Variants in OPRL1 observed in about 807,000 individuals in gnomAD.
OPRL1 encodes the protein opioid related nociceptin receptor 1.
A neutral mutation model predicts 15.5 loss-of-function variants in OPRL1; 5 were observed. The ratio of observed to expected loss-of-function variants is 0.32; its 90% CI spans 0.17 to 0.68. The LOEUF is 0.68. OPRL1 is among the 30% of genes least tolerant of loss of function. The pLI, the probability that OPRL1 is intolerant of heterozygous loss-of-function variation, is 0.72. For synonymous variants in OPRL1, 223 were observed against 230.2 expected (o/e 0.97, Z 0.28); for missense variants, 406 against 515.3 (o/e 0.79, Z 2.05).
rs1267168264 is a variant in OPRL1 at position 64,083,462 on chromosome 20, G to A, written c.-185+3110G>A. On this transcript the variant is annotated intron_variant, in intron 1 of 4. Transcript: ENST00000336866. This position sits in a 1 kb window ranked among gnomAD's most constrained non-coding sequence, Gnocchi z 4.9. ...ACCGCGGGAAGATGGTGCCATCCAC[G>A]TTCTCCTCCAGGATGGTCTCCACGC... 3 of 1,608,506 alleles carry A rather than the reference G, an allele frequency of 1.9e-6. No individual in the cohort carries two copies. Among genetic ancestry groups the A allele is most frequent in the African/African-American group, 2.7e-5 (2 of 74,868 alleles).
chr20:64,092,753 G>A lies in OPRL1; in HGVS notation c.33G>A (p.Glu11=), dbSNP rs573091811. Residue 11 remains glutamate (E), a synonymous_variant, in exon 3 of 5, where the codon GAG becomes GAA. Coordinates refer to ENST00000336866, the MANE Select transcript of OPRL1 (RefSeq NM_182647.4). The stretch of plus-strand genomic sequence containing the variant: ...CCCTCTTCCCCGCGCCGTTCTGGGA[G>A]GTTATCTACGGCAGCCACCTTCAGG... MEPLFPAPFW[E]VIYGSHLQGN... is the part of the protein sequence containing the mutation. 1.6e-5 allele frequency: 25 copies of A among 1,612,702 alleles called. No individual in the cohort carries two copies. Among genetic ancestry groups the A allele is most frequent in the Non-Finnish European group, 2.0e-5 (24 of 1,179,942 alleles).
Position 64,083,431 on chromosome 20 carries a change from G to T in OPRL1, c.-185+3079G>T. ...TGGGGCGCGTCGCACACTCTCAGTC[G>T]CCGTCACCGCGGGAAGATGGTGCCA... On this transcript the variant is annotated intron_variant, in intron 1 of 4. Transcript: ENST00000336866. This position sits in a 1 kb window ranked among gnomAD's most constrained non-coding sequence, Gnocchi z 4.9. 6.2e-7 allele frequency: 1 copy of T among 1,611,156 alleles called. No individual in the cohort carries two copies.
Position 64,092,880 on chromosome 20 carries a change from ATCGTGGGGCTCTACCTGGCCGTGTGTG to A in OPRL1, c.164_190del (p.Val55_Val63del), listed in dbSNP as rs1166957776. On this transcript the variant is annotated inframe_deletion, in exon 3 of 5. Coordinates refer to ENST00000336866, the MANE Select transcript of OPRL1 (RefSeq NM_182647.4). ...CCTGCCCCTCGGGCTCAAGGTCACC[ATCGTGGGGCTCTACCTGGCCGTGTGTG>A]TCGGAGGGCTCCTGGGGAACTGCCT... The A allele has an allele frequency of 6.2e-7, 1 of 1,612,558 alleles. No homozygotes were observed. The highest frequency in any genetic ancestry group is 8.5e-7 in the Non-Finnish European group (1 of 1,179,904).
In OPRL1 at chr20:64,098,875, A is replaced by C; in HGVS notation, c.*76A>C. On this transcript the variant is annotated 3_prime_UTR_variant, in exon 5 of 5. Transcript: ENST00000336866. Reference sequence around the variant, plus strand: ...GCCCAACACAGAGCTCACACAGGTCACTGCTCTCTAGGCGGACACACCCTG... The same window carrying C: ...GCCCAACACAGAGCTCACACAGGTCCCTGCTCTCTAGGCGGACACACCCTG... 1.3e-6 allele frequency: 2 copies of C among 1,494,382 alleles called. No homozygotes were observed. The highest frequency in any genetic ancestry group is 1.3e-5 in the South Asian group (1 of 76,306). The allele number at this position is 1,494,382 out of a possible 1,614,324, so 92.6% of individuals were successfully genotyped here. A position where few individuals can be genotyped will look rare whatever the true frequency, so the allele number is the denominator to read the frequency against.
rs113199372 is a variant in OPRL1 at position 64,098,794 on chromosome 20, G to A, written c.1108G>A (p.Ala370Thr). Residue 370 changes from alanine to threonine, a missense_variant, in exon 5 of 5, where the codon GCA (alanine) becomes ACA (threonine). Physicochemically the swap from Ala to Thr is moderately conservative, Grantham distance 58. Transcript: ENST00000336866. ...CKTSETVPRP[A>T] ...GACCTCTGAGACGGTACCGCGGCCC[G>A]CATGACTAGGCGTGGACCTGCCCAT... 515 of 1,589,032 alleles carry A rather than the reference G, an allele frequency of 3.2e-4. No individual in the cohort carries two copies. Among genetic ancestry groups the A allele is most frequent in the Non-Finnish European group, 4.2e-4 (492 of 1,173,500 alleles).
rs1195857525 is a variant in OPRL1, at chr20:64,090,237, A to G, written c.-184-1729A>G. On this transcript the variant is annotated intron_variant, in intron 1 of 4. Coordinates refer to ENST00000336866, the MANE Select transcript of OPRL1 (RefSeq NM_182647.4). This position sits in a 1 kb window ranked among gnomAD's most constrained non-coding sequence, Gnocchi z 4.9. ...TGTTCACCCGTATGCCTGTCTGGGC[A>G]TCTGTGTGTGTGTTTGCAGGAATGT... Among the ~76,000 whole-genome samples the G allele has an allele frequency of 6.6e-6, 1 of 152,106 alleles. No homozygotes were observed. Among genetic ancestry groups the G allele is most frequent in the Non-Finnish European group, 1.5e-5 (1 of 68,038 alleles).
chr20:64,084,231 G>A (rs1249775040), intron 1 of OPRL1: 5 of 1,377,570 alleles, frequency 3.6e-6, no homozygotes, highest in Non-Finnish European at 4.7e-6. Flanking sequence ...CTCCCGCCCT[G>A]CGGAGGGAGG....
chr20:64,083,511 C>A lies in OPRL1; in HGVS notation c.-185+3159C>A, dbSNP rs1360691593. 1.3e-6 allele frequency: 2 copies of A among 1,580,946 alleles called. No individual in the cohort carries two copies. The highest frequency in any genetic ancestry group is 1.7e-6 in the Non-Finnish European group (2 of 1,164,682). Reference sequence around the variant, plus strand: ...GCGCCTCCGCTGCCGGGGAGAGAGGCTGGGGTCCGGCGTGTGCGGAGGCGG... The same window carrying A: ...GCGCCTCCGCTGCCGGGGAGAGAGGATGGGGTCCGGCGTGTGCGGAGGCGG... On this transcript the variant is annotated intron_variant, in intron 1 of 4. Coordinates refer to ENST00000336866, the MANE Select transcript of OPRL1 (RefSeq NM_182647.4). This position sits in a 1 kb window ranked among gnomAD's most constrained non-coding sequence, Gnocchi z 4.9.
chr20:64,097,979 C>T lies in OPRL1; in HGVS notation c.411C>T (p.Ser137=), dbSNP rs746201143. The T allele has an allele frequency of 6.2e-7, 1 of 1,613,764 alleles. No homozygotes were observed. ...TTGACTACTACAACATGTTCACCAG[C>T]ACCTTCACCCTAACTGCCATGAGTG... ...IAIDYYNMFT[S]TFTLTAMSVD... Residue 137 remains serine (S), a synonymous_variant, in exon 4 of 5, where the codon AGC becomes AGT. Transcript: ENST00000336866. This position sits in a 1 kb window ranked among gnomAD's most constrained non-coding sequence, Gnocchi z 4.2.
Position 64,090,338 on chromosome 20 carries a change from C to T in OPRL1, c.-184-1628C>T, listed in dbSNP as rs1048380397. ...ACACGTGTCCCTGAGTCTTGGTTGCCGTGAAGATGCAGGGAGAAATCCTGG... is the reference window on the plus strand; with the variant it reads ...ACACGTGTCCCTGAGTCTTGGTTGCTGTGAAGATGCAGGGAGAAATCCTGG... On this transcript the variant is annotated intron_variant, in intron 1 of 4. Coordinates refer to ENST00000336866, the MANE Select transcript of OPRL1 (RefSeq NM_182647.4). The surrounding 1 kb of genome is among the most constrained non-coding windows in gnomAD (Gnocchi z 4.9). Among the ~76,000 whole-genome samples the T allele has an allele frequency of 2.0e-5, 3 of 152,164 alleles. No homozygotes were observed. The highest frequency in any genetic ancestry group is 7.2e-5 in the African/African-American group (3 of 41,434).
At chr20:64,088,623 G>A in intron 1 of OPRL1, among the ~76,000 whole-genome samples, 1 of 151,458 alleles carries the variant, frequency 6.6e-6, no homozygotes, top group Non-Finnish European at 1.5e-5. Flanking sequence ...GAGTGGCCAG[G>A]ATCTGTGCAG....
chr20:64,082,176 G>A (rs1291159693), intron 1 of OPRL1, among the ~76,000 whole-genome samples: 1 of 152,082 alleles, frequency 6.6e-6, no homozygotes, highest in African/African-American at 2.4e-5. Context: ...GGGTGTGAGT[G>A]GCTGCCACTC....
In OPRL1 at chr20:64,097,010, T is replaced by C; in HGVS notation, c.234-792T>C. 6.7e-6 allele frequency among the ~76,000 whole-genome samples: 1 copy of C among 149,354 alleles called. No homozygotes were observed. Among genetic ancestry groups the C allele is most frequent in the Non-Finnish European group, 1.5e-5 (1 of 67,256 alleles). ...ATCACCACTATCACCACCACCACCA[T>C]CATCACCATCACCATCATCACAGTC... On this transcript the variant is annotated intron_variant, in intron 3 of 4. Transcript: ENST00000336866. The surrounding 1 kb of genome is among the most constrained non-coding windows in gnomAD (Gnocchi z 4.2).
intron 1 of OPRL1, among the ~76,000 whole-genome samples, chr20:64,082,806 G>GGT (rs1317062683): frequency 6.7e-6 from 1 of 148,772 alleles, no homozygotes; most frequent in Non-Finnish European, 1.5e-5. Context: ...GTGTGTGTGG[G>GGT]GTGTGTGTGT....
Position 64,098,461 on chromosome 20 carries a change from C to T in OPRL1, c.775C>T (p.Arg259Trp), listed in dbSNP as rs148484121. Residue 259 changes from arginine (R) to tryptophan (W), a missense_variant, in exon 5 of 5, where the codon CGG becomes TGG. Transcript: ENST00000336866. ...CTCCCGAGAGAAGGACCGGAACCTG[C>T]GGCGCATCACTCGGCTGGTGCTGGT... The part of the protein sequence containing the change: ...SGSREKDRNL[R>W]RITRLVLVVV... The T allele has an allele frequency of 2.2e-3, 3,584 of 1,613,354 alleles. 9 individuals carry two copies. Among genetic ancestry groups the T allele is most frequent in the Non-Finnish European group, 2.8e-3 (3,258 of 1,180,000 alleles).
chr20:64,082,227 T>C (rs548706732), intron 1 of OPRL1, among the ~76,000 whole-genome samples: 15 of 152,228 alleles, frequency 9.9e-5, no homozygotes, highest in African/African-American at 3.6e-4. Context: ...CTGCCCCTGC[T>C]CAAGCCCCTT....
In OPRL1 at chr20:64,083,554, T is replaced by A; in HGVS notation, c.-185+3202T>A. 1 of 1,529,126 alleles carries A rather than the reference T, an allele frequency of 6.5e-7. No individual in the cohort carries two copies. Among genetic ancestry groups the A allele is most frequent in the Non-Finnish European group, 8.8e-7 (1 of 1,137,116 alleles). The allele number at this position is 1,529,126 out of a possible 1,614,324, so 94.7% of individuals were successfully genotyped here. A position where few individuals can be genotyped will look rare whatever the true frequency, so the allele number is the denominator to read the frequency against. Reference sequence around the variant, plus strand: ...GGAGGCGGGCAGGGCCCCTCCCCTTTCCCCGCCCCTACCGGGGCTTGTCTG... The same window carrying A: ...GGAGGCGGGCAGGGCCCCTCCCCTTACCCCGCCCCTACCGGGGCTTGTCTG... On this transcript the variant is annotated intron_variant, in intron 1 of 4. Coordinates refer to ENST00000336866, the MANE Select transcript of OPRL1 (RefSeq NM_182647.4). The surrounding 1 kb of genome is among the most constrained non-coding windows in gnomAD (Gnocchi z 4.9).
intron 1 of OPRL1, among the ~76,000 whole-genome samples, chr20:64,091,521 T>C (rs1292729118): frequency 6.6e-6 from 1 of 152,228 alleles, no homozygotes; most frequent in Non-Finnish European, 1.5e-5. Context: ...TGCCGTGTCC[T>C]GGACCCAAGC....
chr20:64,082,666 C>T (rs758287416), intron 1 of OPRL1, among the ~76,000 whole-genome samples: 2 of 152,186 alleles, frequency 1.3e-5, no homozygotes. Context: ...CTGCAAAGAG[C>T]TCACGTCGGG....
Sources: gnomAD v4.1 joint callset for allele counts (sites outside exome capture counted in the v4.1 genomes callset) on GRCh38, gnomAD v4.1.1 for gene constraint, Gnocchi (gnomAD v3.1) non-coding constraint, MANE v1.5 for transcripts, NCBI Gene and HGNC (gene_info 2026-07-23, HGNC 2026-07-21) for gene names.